RNLS: variants seen among roughly 807,000 people sequenced by gnomAD.
RNLS encodes the protein renalase.
A neutral mutation model predicts 39.8 loss-of-function variants in RNLS; 39 were observed. That is an observed-to-expected ratio of 0.98 (90% CI 0.76 to 1.28). The LOEUF (loss-of-function observed/expected upper bound fraction) is 1.28. Ranked by LOEUF, RNLS falls within the 50% of genes most tolerant of loss-of-function variation. The pLI is 0.00. For missense variants in RNLS, 410 were observed against 413.3 expected, an observed-to-expected ratio of 0.99 and a Z score of 0.07; for synonymous variants, 147 against 150.7, an observed-to-expected ratio of 0.98 and a Z score of 0.18.
intron 4 of RNLS, among the ~76,000 whole-genome samples, chr10:88,403,705 T>C (rs1853081271): frequency 6.6e-6 from 1 of 151,930 alleles, no homozygotes; most frequent in South Asian, 2.1e-4. Flanking sequence ...AGCTTTTTTT[T>C]TTCCTGGCTA....
At chr10:88,232,628 T>C in the RNLS span, among the ~76,000 whole-genome samples, 1 of 152,218 alleles carries the variant, frequency 6.6e-6, no homozygotes, top group South Asian at 2.1e-4. Flanking sequence ...CACATTTTTG[T>C]TGTGACCTAG....
In RNLS at chr10:88,314,564, C is replaced by T. The variant is rs779164876; in HGVS notation, c.778G>A (p.Glu260Lys). ...TGGAAGACTAACTCTTGCACATCCT[C>T]AATGCTGTGTTCCAAGTATGTAACT... is the stretch of plus-strand genomic sequence containing the variant. ...FGVTYLEHSI[E>K]DVQELVFQQL... The change falls in exon 6 of 7, where the codon GAG becomes AAG. Residue 260 changes from glutamate (E) to lysine (K), a missense_variant. Transcript: ENST00000331772. 1.9e-6 allele frequency: 3 copies of T among 1,613,962 alleles called. No homozygotes were observed. Among genetic ancestry groups the T allele is most frequent in the East Asian group, 4.5e-5 (2 of 44,876 alleles).
At chr10:88,377,127 T>TAA (rs1439197718) in intron 4 of RNLS, among the ~76,000 whole-genome samples, 1 of 152,116 alleles carries the variant, frequency 6.6e-6, no homozygotes, top group Non-Finnish European at 1.5e-5. Context: ...TTCTTGCATA[T>TAA]AAGTCAGAAA....
chr10:88,355,578 G>A lies in RNLS; in HGVS notation c.700+6974C>T, dbSNP rs111960907. On this transcript the variant is annotated intron_variant, in intron 5 of 6. Transcript: ENST00000331772. ...GTCTGATTGTTCCTGTGGAGGTTTCGTCTCAGCAGGATACCTGGCCGTGTG... is the reference window on the plus strand; with the variant it reads ...GTCTGATTGTTCCTGTGGAGGTTTCATCTCAGCAGGATACCTGGCCGTGTG... 2.7e-4 allele frequency among the ~76,000 whole-genome samples: 41 copies of A among 152,232 alleles called. 1 individual carries two copies. The highest frequency in any genetic ancestry group is 8.7e-4 in the African/African-American group (36 of 41,536).
chr10:88,226,332 A>G, the RNLS span, among the ~76,000 whole-genome samples: 4 of 152,216 alleles, frequency 2.6e-5, no homozygotes, highest in Non-Finnish European at 5.9e-5. Context: ...AATCCCTGCA[A>G]TTAACGTCTA....
chr10:88,274,341 C>T (rs1415354672), exon 7 of RNLS: 1 of 152,470 alleles, frequency 6.6e-6, no homozygotes, highest in Non-Finnish European at 1.5e-5. Context: ...ACTAAACACT[C>T]ACTCTCCATT....
At chr10:88,471,185 T>C (rs1843500612) in intron 4 of RNLS, among the ~76,000 whole-genome samples, 1 of 152,218 alleles carries the variant, frequency 6.6e-6, no homozygotes, top group African/African-American at 2.4e-5. Context: ...CATGGAGCTA[T>C]ATCAATATAT....
chr10:88,227,999 G>T, the RNLS span, among the ~76,000 whole-genome samples: 874 of 152,242 alleles, frequency 5.7e-3, 6 homozygotes, highest in Non-Finnish European at 0.01. Flanking sequence ...CCTGGGCCTA[G>T]ATTTTTACAT....
chr10:88,475,422 C>G (rs1246673539), intron 4 of RNLS, among the ~76,000 whole-genome samples: 2 of 152,152 alleles, frequency 1.3e-5, no homozygotes, highest in Non-Finnish European at 2.9e-5. Context: ...AGCCTCAGAG[C>G]CCTGAAATCT....
At chr10:88,329,535 A>G (rs1471331422) in intron 5 of RNLS, among the ~76,000 whole-genome samples, 1 of 151,860 alleles carries the variant, frequency 6.6e-6, no homozygotes, top group African/African-American at 2.4e-5. Context: ...CTGAAGACTT[A>G]ATTTTGTAAT....
chr10:88,572,001 T>C (rs538927199), intron 4 of RNLS, among the ~76,000 whole-genome samples: 2 of 152,292 alleles, frequency 1.3e-5, no homozygotes, highest in Non-Finnish European at 2.9e-5. Flanking sequence ...AGGAAAAAGA[T>C]GTCTGTGGAT....
chr10:88,426,153 A>G lies in RNLS; in HGVS notation c.527-63428T>C, dbSNP rs575117854. 5.3e-5 allele frequency among the ~76,000 whole-genome samples: 8 copies of G among 152,210 alleles called. No homozygotes were observed. The South Asian group carries it at 1.7e-3, about 32-fold the overall frequency. On this transcript the variant is annotated intron_variant, in intron 4 of 6. Transcript: ENST00000331772. ...GCTGTAGACACAATGAAATTAGAAT[A>G]TGGCTCTTTGTACTCAAGAAGATCA...
intron 4 of RNLS, among the ~76,000 whole-genome samples, chr10:88,564,403 G>A (rs762223579): frequency 2.0e-5 from 3 of 152,010 alleles, no homozygotes; most frequent in Non-Finnish European, 4.4e-5. Context: ...TCTTAAGGTG[G>A]ATTAAACTGG....
the RNLS span, among the ~76,000 whole-genome samples, chr10:88,213,563 A>G: frequency 6.6e-6 from 1 of 152,066 alleles, no homozygotes; most frequent in East Asian, 1.9e-4. Context: ...CAGTTTCCCA[A>G]GGAGAGTTCT....
intron 5 of RNLS, chr10:88,343,433 T>C (rs1460341886): frequency 1.6e-6 from 1 of 641,776 alleles, no homozygotes; most frequent in African/African-American, 2.0e-5. Context: ...ATGGGAAAGA[T>C]GGGGGAGGAA....
chr10:88,430,339 C>T (rs868252834), intron 4 of RNLS, among the ~76,000 whole-genome samples: 3 of 151,830 alleles, frequency 2.0e-5, no homozygotes, highest in Middle Eastern at 3.4e-3. Context: ...TTGCATATTT[C>T]TCTAGTAGAT....
chr10:88,251,319 G>A, the RNLS span, among the ~76,000 whole-genome samples: 3 of 152,242 alleles, frequency 2.0e-5, no homozygotes, highest in Non-Finnish European at 4.4e-5. Flanking sequence ...TCAGTAAGAT[G>A]TGCATGAATG....
intron 5 of RNLS, among the ~76,000 whole-genome samples, chr10:88,351,782 A>C (rs11202730): frequency 0.24 from 36,823 of 152,024 alleles, 4,857 homozygotes; most frequent in Non-Finnish European, 0.28. Context: ...TGAATCTATA[A>C]ATTACCTTGG....
chr10:88,530,746 T>G (rs1016840523), intron 4 of RNLS, among the ~76,000 whole-genome samples: 9 of 152,182 alleles, frequency 5.9e-5, no homozygotes, highest in African/African-American at 2.2e-4. Flanking sequence ...ATGTAAATGA[T>G]AATCCATTAT....
Sources: gnomAD v4.1 joint callset for allele counts (sites outside exome capture counted in the v4.1 genomes callset) on GRCh38, gnomAD v4.1.1 for gene constraint, MANE v1.5 for transcripts, NCBI Gene and HGNC (gene_info 2026-07-23, HGNC 2026-07-21) for gene names.